The following SNRNP40 variants were observed in gnomAD, a reference collection of about 807,000 sequenced individuals.
The protein encoded by SNRNP40 is small nuclear ribonucleoprotein U5 subunit 40, also known as U5 small nuclear ribonucleoprotein 40 kDa protein.
A neutral mutation model predicts 45.8 loss-of-function variants in SNRNP40; 21 were observed. That is an observed-to-expected ratio of 0.46 (90% CI 0.32 to 0.66). The LOEUF is 0.66. Among genes scored for constraint, SNRNP40 ranks in the 30% least tolerant of loss-of-function variants. The pLI, the probability that SNRNP40 is intolerant of heterozygous loss-of-function variation, is 0.03. For synonymous variants in SNRNP40, 142 were observed against 163.8 expected, an observed-to-expected ratio of 0.87 and a Z score of 1.01; for missense variants, 344 against 439.1, an observed-to-expected ratio of 0.78 and a Z score of 1.94.
At chr1:31,274,955 A>T (rs144048170) in intron 5 of SNRNP40, among the ~76,000 whole-genome samples, 2 of 152,354 alleles carry the variant, frequency 1.3e-5, no homozygotes, top group East Asian at 1.9e-4. Flanking sequence ...AGAAACAAAT[A>T]AAAACCAGGC....
chr1:31,268,770 A>C (rs777679461), intron 7 of SNRNP40, among the ~76,000 whole-genome samples: 1 of 152,210 alleles, frequency 6.6e-6, no homozygotes, highest in Non-Finnish European at 1.5e-5. Flanking sequence ...TTAGGGTTCT[A>C]ACACACATGG....
chr1:31,277,719 G>A (rs1645985784), intron 5 of SNRNP40, among the ~76,000 whole-genome samples: 1 of 152,160 alleles, frequency 6.6e-6, no homozygotes, highest in South Asian at 2.1e-4. Context: ...CTTTGAGACA[G>A]GGTCTCTCTC....
intron 4 of SNRNP40, among the ~76,000 whole-genome samples, chr1:31,288,849 A>C (rs1646081180): frequency 6.6e-6 from 1 of 152,092 alleles, no homozygotes. Context: ...CTCCTGCCTC[A>C]GCCTCCCAAG....
At chr1:31,295,462 C>A (rs910088398) in intron 1 of SNRNP40, among the ~76,000 whole-genome samples, 1 of 152,078 alleles carries the variant, frequency 6.6e-6, no homozygotes, top group Non-Finnish European at 1.5e-5. Flanking sequence ...GGCAAATATT[C>A]GCAGGAGCTG....
Position 31,282,632 on chromosome 1 carries a change from C to CTATG in SNRNP40, c.532-1137_532-1136insCATA, listed in dbSNP as rs1557678180. On this transcript the variant is annotated intron_variant, in intron 4 of 9. Transcript: ENST00000263694. ...CTATCTATCTTTCTATCATCTATAT[C>CTATG]TATCTATCTATGTATCTATGTGTCT... is the stretch of plus-strand genomic sequence containing the variant. 5.8e-4 allele frequency: 87 copies of CTATG among 150,402 alleles called. 1 individual carries two copies. The highest frequency in any genetic ancestry group is 1.0e-4 in the Non-Finnish European group (7 of 67,658). The allele number at this position is 150,402 out of a possible 1,614,324, so 9.3% of individuals were successfully genotyped here. A position where few individuals can be genotyped will look rare whatever the true frequency, so the allele number is the denominator to read the frequency against.
At chr1:31,295,616 A>G (rs1646143570) in intron 1 of SNRNP40, among the ~76,000 whole-genome samples, 1 of 152,254 alleles carries the variant, frequency 6.6e-6, no homozygotes, top group South Asian at 2.1e-4. Flanking sequence ...AAAGGGAAAG[A>G]GGGCAAATAA....
chr1:31,273,158 G>C (rs1394472600), intron 5 of SNRNP40, among the ~76,000 whole-genome samples: 1 of 152,182 alleles, frequency 6.6e-6, no homozygotes, highest in African/African-American at 2.4e-5. Context: ...AAAGCCTGAA[G>C]TATCTGACAT....
rs1184192992 is a variant in SNRNP40 at position 31,259,942 on chromosome 1, C to CGG, written c.*129_*130insCC. 6 of 754,860 alleles carry CGG rather than the reference C, an allele frequency of 7.9e-6. No homozygotes were observed. The African/African-American group carries it at 1.0e-4, about 13-fold the overall frequency. The allele number at this position is 754,860 out of a possible 1,614,324, so 46.8% of individuals were successfully genotyped here. On this transcript the variant is annotated 3_prime_UTR_variant, in exon 10 of 10. Transcript: ENST00000263694. The stretch of plus-strand genomic sequence containing the variant: ...GAAGTGGTTTTTGGAATATGGCCAC[C>CGG]GCCTCCTGTTTCTTGCTAGCAATGG...
At chr1:31,288,284 C>A (rs1646076398) in intron 4 of SNRNP40, among the ~76,000 whole-genome samples, 1 of 152,034 alleles carries the variant, frequency 6.6e-6, no homozygotes, top group Non-Finnish European at 1.5e-5. Context: ...AAAATATAAA[C>A]CAGAGCCCAA....
intron 5 of SNRNP40, among the ~76,000 whole-genome samples, chr1:31,274,071 G>C (rs1431280466): frequency 6.6e-6 from 1 of 152,078 alleles, no homozygotes; most frequent in Non-Finnish European, 1.5e-5. Context: ...TAGGAGATTA[G>C]GCACCCAGAG....
chr1:31,293,413 G>T, intron 1 of SNRNP40, 65 bp from the exon 2 acceptor site: 1 of 1,490,420 alleles, frequency 6.7e-7, no homozygotes, highest in Non-Finnish European at 9.0e-7. Flanking sequence ...AAATTAGGGG[G>T]TGGGGAGTGG....
At chr1:31,295,845 G>A (rs973336858) in intron 1 of SNRNP40, among the ~76,000 whole-genome samples, 33 of 152,242 alleles carry the variant, frequency 2.2e-4, no homozygotes, top group African/African-American at 7.7e-4. Flanking sequence ...TGATGGAGAT[G>A]GTAGAAGTAG....
At chr1:31,275,943 A>G (rs562317467) in intron 5 of SNRNP40, among the ~76,000 whole-genome samples, 1 of 152,370 alleles carries the variant, frequency 6.6e-6, no homozygotes, top group Non-Finnish European at 1.5e-5. Flanking sequence ...GAAAACAAAT[A>G]CAGAAAAAGT....
Position 31,285,026 on chromosome 1 carries a change from C to CAGTGAAGTGAGTGA in SNRNP40, c.532-3531_532-3530insTCACTCACTTCACT, listed in dbSNP as rs1553167023. Among the ~76,000 whole-genome samples, 3 of 152,242 alleles carry CAGTGAAGTGAGTGA rather than the reference C, an allele frequency of 2.0e-5. No homozygotes were observed. In the South Asian group the frequency reaches 6.2e-4, roughly 32 times the overall value. On this transcript the variant is annotated intron_variant, in intron 4 of 9. Transcript: ENST00000263694. ...ATAATCTTTGTCTCAATAGATACTT[C>CAGTGAAGTGAGTGA]ACTCAGGTCAAATCTATCTTTGTCT...
rs543613619 is a variant in SNRNP40, at chr1:31,295,363, A to C, written c.141+1248T>G. Among the ~76,000 whole-genome samples, 4 of 152,256 alleles carry C rather than the reference A, an allele frequency of 2.6e-5. No homozygotes were observed. In the East Asian group the frequency reaches 7.7e-4, roughly 29 times the overall value. On this transcript the variant is annotated intron_variant, in intron 1 of 9. Transcript: ENST00000263694. ...AAAACAAAAAAACAAAAAAAGAGAG[A>C]GAGAGAAGCAATGTGGGTTCCACAG...
intron 7 of SNRNP40, 126 bp downstream of exon 7, chr1:31,269,032 T>C: frequency 1.2e-6 from 1 of 849,398 alleles, no homozygotes; most frequent in South Asian, 2.7e-5. Flanking sequence ...CAAGTTTTAA[T>C]TAAGAGCAGT....
At chr1:31,262,779 G>C (rs370465665) in intron 8 of SNRNP40, among the ~76,000 whole-genome samples, 9 of 151,988 alleles carry the variant, frequency 5.9e-5, no homozygotes, top group South Asian at 2.1e-4. Flanking sequence ...TAGCACTTTG[G>C]GGGGCCAAGG....
At chr1:31,277,161 C>T (rs1204433618) in intron 5 of SNRNP40, among the ~76,000 whole-genome samples, 2 of 152,232 alleles carry the variant, frequency 1.3e-5, no homozygotes, top group African/African-American at 2.4e-5. Flanking sequence ...TGCACCACTG[C>T]ACTCCAGCCT....
intron 5 of SNRNP40, among the ~76,000 whole-genome samples, chr1:31,272,287 A>C (rs1166392172): frequency 6.6e-6 from 1 of 152,230 alleles, no homozygotes; most frequent in Non-Finnish European, 1.5e-5. Flanking sequence ...GGATATGTAC[A>C]TGCACATACA....
Sources: gnomAD v4.1 joint callset for allele counts (sites outside exome capture counted in the v4.1 genomes callset) on GRCh38, gnomAD v4.1.1 for gene constraint, MANE v1.5 for transcripts, NCBI Gene and HGNC (gene_info 2026-07-23, HGNC 2026-07-21) for gene names.